The following NBAS variants were observed in gnomAD, a reference collection of about 807,000 sequenced individuals.
NBAS encodes the protein NAG/BC035112 fusion.
A neutral mutation model predicts 302.5 loss-of-function variants in NBAS; 219 were observed. The observed-to-expected ratio is 0.72, with a 90% CI of 0.65 to 0.81. The LOEUF (loss-of-function observed/expected upper bound fraction) is 0.81, where lower values mean the gene tolerates loss of function less well. NBAS is among the 30% of genes least tolerant of loss of function. The probability of loss-of-function intolerance (pLI) is 0.00; values close to 1 mark genes in which losing one functional copy is unlikely to be tolerated. For synonymous variants in NBAS, 1,118 were observed against 1,021.6 expected (o/e 1.09, Z -1.80); for missense variants, 2,932 against 2,841.6 (o/e 1.03, Z -0.72).
At position 15,337,974 on chromosome 2, in the gene NBAS, C is replaced by T. The variant is rs16862511; in HGVS notation, c.4180-7209G>A. ...AAACCTCAAAACCACGTCATTGGTT[C>T]CCAGCATAAAATTTAACATGAAATC... is the stretch of plus-strand genomic sequence containing the variant. On this transcript the variant is annotated intron_variant, in intron 35 of 51. Transcript: ENST00000281513. Among the ~76,000 whole-genome samples, 823 of 152,272 alleles carry T rather than the reference C, an allele frequency of 5.4e-3. 9 individuals carry two copies. Among genetic ancestry groups the T allele is most frequent in the African/African-American group, 0.018 (757 of 41,558 alleles).
At chr2:14,887,357 C>T in the NBAS span, among the ~76,000 whole-genome samples, 2 of 147,512 alleles carry the variant, frequency 1.4e-5, no homozygotes, top group African/African-American at 2.6e-5. Context: ...GATCTGAGAT[C>T]GCGCCACCGC....
At chr2:14,936,012 A>G in the NBAS span, among the ~76,000 whole-genome samples, 1 of 152,194 alleles carries the variant, frequency 6.6e-6, no homozygotes, top group Non-Finnish European at 1.5e-5. Flanking sequence ...GTTCCAATGA[A>G]AGCATGGATG....
chr2:15,035,305 G>A, the NBAS span, among the ~76,000 whole-genome samples: 9 of 152,242 alleles, frequency 5.9e-5, no homozygotes, highest in South Asian at 4.2e-4. Context: ...TCAGAATGGC[G>A]ATTGTTAAAA....
At chr2:14,903,934 C>T in the NBAS span, among the ~76,000 whole-genome samples, 1 of 152,230 alleles carries the variant, frequency 6.6e-6, no homozygotes, top group East Asian at 1.9e-4. Flanking sequence ...AAGAGGAGAC[C>T]CAGGAGAAGT....
chr2:15,392,021 C>CA (rs11378139), intron 28 of NBAS, among the ~76,000 whole-genome samples: 89,120 of 149,198 alleles, frequency 0.6, 27,433 homozygotes, highest in Non-Finnish European at 0.67. Flanking sequence ...CCTAGCACTA[C>CA]CAAAAAAAAA....
intron 25 of NBAS, among the ~76,000 whole-genome samples, chr2:15,412,451 A>G (rs1676727284): frequency 6.6e-6 from 1 of 152,218 alleles, no homozygotes; most frequent in Non-Finnish European, 1.5e-5. Flanking sequence ...CTTGTGAGAA[A>G]TAAATGTTCG....
At chr2:15,018,022 C>T in the NBAS span, among the ~76,000 whole-genome samples, 2 of 151,796 alleles carry the variant, frequency 1.3e-5, no homozygotes, top group East Asian at 3.9e-4. Context: ...TTATGTTAAG[C>T]AAAATAAGCC....
At chr2:14,972,524 AATTT>A in the NBAS span, among the ~76,000 whole-genome samples, 1 of 152,184 alleles carries the variant, frequency 6.6e-6, no homozygotes. Context: ...CTAAAATTAA[AATTT>A]ATTTGCCATA....
chr2:15,356,513 AAC>A (rs766278628), intron 32 of NBAS, 97 bp from the exon 33 acceptor site: 107 of 886,726 alleles, frequency 1.2e-4, no homozygotes, highest in Middle Eastern at 4.9e-4. Context: ...TAAAAAATAA[AAC>A]AGAGAGATTA....
chr2:15,238,604 TTTC>T lies in NBAS; in HGVS notation c.5804_5806del (p.Arg1935del). On this transcript the variant is annotated inframe_deletion, in exon 45 of 52. Coordinates refer to ENST00000281513, the MANE Select transcript of NBAS (RefSeq NM_015909.4). ...AGCTTCTTGAGCTTCGTCTTCTGAG[TTTC>T]TTTTCCTTGGCTTCTCAATAAAATG... 1.2e-6 allele frequency: 2 copies of T among 1,613,622 alleles called. No homozygotes were observed. Among genetic ancestry groups the T allele is most frequent in the Non-Finnish European group, 1.7e-6 (2 of 1,179,936 alleles).
At chr2:14,874,319 A>G in the NBAS span, among the ~76,000 whole-genome samples, 1 of 152,144 alleles carries the variant, frequency 6.6e-6, no homozygotes, top group African/African-American at 2.4e-5. Context: ...CACTGCCCTG[A>G]TAACAAAACA....
the NBAS span, among the ~76,000 whole-genome samples, chr2:14,943,984 T>C: frequency 0.16 from 23,646 of 152,052 alleles, 2,537 homozygotes; most frequent in African/African-American, 0.31. Flanking sequence ...GATTGCTCCA[T>C]TCGTTCAACC....
chr2:14,784,801 G>A, the NBAS span, among the ~76,000 whole-genome samples: 1 of 152,142 alleles, frequency 6.6e-6, no homozygotes, highest in Non-Finnish European at 1.5e-5. Context: ...TGGCGATGCA[G>A]GCTCTTTTTT....
chr2:15,233,661 G>A (rs1266306721), intron 46 of NBAS, among the ~76,000 whole-genome samples: 1 of 152,002 alleles, frequency 6.6e-6, no homozygotes, highest in Non-Finnish European at 1.5e-5. Flanking sequence ...TTATTAATTT[G>A]AAATTTGTTC....
the NBAS span, among the ~76,000 whole-genome samples, chr2:15,021,239 T>TA: frequency 1.3e-3 from 193 of 148,984 alleles, no homozygotes; most frequent in Middle Eastern, 3.4e-3. Context: ...AGACCTTGTC[T>TA]AAAAAAAAAA....
the NBAS span, among the ~76,000 whole-genome samples, chr2:14,834,844 A>G: frequency 6.6e-6 from 1 of 152,072 alleles, no homozygotes; most frequent in South Asian, 2.1e-4. Flanking sequence ...AGGGGTGGAA[A>G]TCGTCAGATT....
the NBAS span, among the ~76,000 whole-genome samples, chr2:15,046,992 T>C: frequency 1.3e-5 from 2 of 152,224 alleles, no homozygotes; most frequent in African/African-American, 2.4e-5. Flanking sequence ...GTGGGACTTC[T>C]GACTGCTAGG....
chr2:14,908,469 T>A, the NBAS span, among the ~76,000 whole-genome samples: 1 of 152,204 alleles, frequency 6.6e-6, no homozygotes, highest in Non-Finnish European at 1.5e-5. Flanking sequence ...GCAAAATCCA[T>A]GTGCTCATAT....
the NBAS span, among the ~76,000 whole-genome samples, chr2:15,024,521 T>C: frequency 1.7e-4 from 26 of 152,304 alleles, no homozygotes; most frequent in East Asian, 7.7e-4. Flanking sequence ...GTTCTGTTTT[T>C]AGTTCTTTGA....
Sources: gnomAD v4.1 joint callset for allele counts (sites outside exome capture counted in the v4.1 genomes callset) on GRCh38, gnomAD v4.1.1 for gene constraint, MANE v1.5 for transcripts, NCBI Gene and HGNC (gene_info 2026-07-23, HGNC 2026-07-21) for gene names.